Variants in CDH17 observed in about 807,000 individuals in gnomAD.
CDH17 encodes cadherin 17.
A neutral mutation model predicts 86.3 loss-of-function variants in CDH17; 67 were observed. The observed-to-expected ratio is 0.78, with a 90% CI of 0.64 to 0.95. CDH17 has a LOEUF of 0.95. CDH17 is among the 40% of genes least tolerant of loss of function. The probability of loss-of-function intolerance (pLI) is 0.00; values close to 1 mark genes in which losing one functional copy is unlikely to be tolerated. For missense variants in CDH17, 993 were observed against 1,017.6 expected (o/e 0.98, Z 0.33); for synonymous variants, 367 against 366.4 (o/e 1.00, Z -0.02).
At chr8:94,203,344 C>T (rs540208872) in intron 1 of CDH17, among the ~76,000 whole-genome samples, 1 of 152,286 alleles carries the variant, frequency 6.6e-6, no homozygotes, top group African/African-American at 2.4e-5. Flanking sequence ...GAGAGAGCTA[C>T]AGAATTTGTT....
At chr8:94,136,281 T>C (rs1229675348) in intron 15 of CDH17, among the ~76,000 whole-genome samples, 1 of 152,244 alleles carries the variant, frequency 6.6e-6, no homozygotes, top group East Asian at 1.9e-4. Context: ...CCCGTCACTT[T>C]CAGGTACACC....
At chr8:94,160,777 T>C (rs992384524) in intron 11 of CDH17, among the ~76,000 whole-genome samples, 4 of 152,208 alleles carry the variant, frequency 2.6e-5, no homozygotes, top group Admixed American at 6.5e-5. Context: ...ACATAGTAAG[T>C]GCTCAATAAA....
chr8:94,170,434 T>A lies in CDH17; in HGVS notation c.1029A>T (p.Pro343=), dbSNP rs764235174. The change falls in exon 9 of 18, where the codon CCA becomes CCT. Residue 343 remains proline (P), a synonymous_variant. Coordinates refer to ENST00000027335, the MANE Select transcript of CDH17 (RefSeq NM_004063.4). ...TCTCCTGGACCTCAAATACGGTTACTGGTGACGGACATGTAGGTGGATTAT... is the reference window on the plus strand; with the variant it reads ...TCTCCTGGACCTCAAATACGGTTACAGGTGACGGACATGTAGGTGGATTAT... ...INDNPPTCPS[P]VTVFEVQENE... 1.2e-6 allele frequency: 2 copies of A among 1,613,570 alleles called. No individual in the cohort carries two copies. The highest frequency in any genetic ancestry group is 2.7e-5 in the African/African-American group (2 of 74,920).
chr8:94,200,551 T>G (rs1371635323), intron 1 of CDH17, among the ~76,000 whole-genome samples: 2 of 143,164 alleles, frequency 1.4e-5, no homozygotes, highest in Non-Finnish European at 1.5e-5. Context: ...TTTTTTTTTT[T>G]TTTTTTTTTT....
chr8:94,161,610 TTTCTTTG>T (rs1294049692), intron 11 of CDH17, among the ~76,000 whole-genome samples: 1 of 152,232 alleles, frequency 6.6e-6, no homozygotes, highest in African/African-American at 2.4e-5. Context: ...TGGGCACATT[TTTCTTTG>T]GCTTAAGTCA....
rs1433521678 is a variant in CDH17 at position 94,134,622 on chromosome 8, G to GT, written c.2168-3631dup. On this transcript the variant is annotated intron_variant, in intron 15 of 17. Transcript: ENST00000027335. ...CAAAAAACCAGCTCCTGGATTCATTGTTTTTTTGAGGGGTTTTTTGTGTCT... is the reference window on the plus strand; with the variant it reads ...CAAAAAACCAGCTCCTGGATTCATTGTTTTTTTTGAGGGGTTTTTTGTGTCT... Among the ~76,000 whole-genome samples the GT allele has an allele frequency of 5.3e-5, 8 of 151,184 alleles. No homozygotes were observed. The East Asian group carries it at 8.2e-4, about 16-fold the overall frequency.
intron 2 of CDH17, among the ~76,000 whole-genome samples, chr8:94,191,256 G>A (rs927218019): frequency 6.6e-6 from 1 of 152,170 alleles, no homozygotes; most frequent in East Asian, 1.9e-4. Flanking sequence ...GATGAACCCT[G>A]AGAGGACAAA....
intron 15 of CDH17, among the ~76,000 whole-genome samples, chr8:94,139,855 C>G (rs1812602347): frequency 1.3e-5 from 2 of 151,086 alleles, no homozygotes; most frequent in South Asian, 4.2e-4. Flanking sequence ...CCACTGCACT[C>G]CAGCCTGGGC....
chr8:94,201,572 G>A (rs866988059), intron 1 of CDH17, among the ~76,000 whole-genome samples: 2 of 152,194 alleles, frequency 1.3e-5, no homozygotes, highest in Non-Finnish European at 2.9e-5. Context: ...CAGCTCTCAG[G>A]AGGAACCAAC....
chr8:94,145,795 C>G, intron 15 of CDH17, 133 bp downstream of exon 15: 1 of 1,015,244 alleles, frequency 9.8e-7, no homozygotes, highest in African/African-American at 1.6e-5. Context: ...CCTGTACAAG[C>G]TTCCAAAGCA....
At chr8:94,173,306 G>A (rs1342529435) in intron 7 of CDH17, among the ~76,000 whole-genome samples, 4 of 152,162 alleles carry the variant, frequency 2.6e-5, no homozygotes, top group African/African-American at 9.7e-5. Flanking sequence ...GAATGGCTGA[G>A]CACCACGCCC....
intron 1 of CDH17, among the ~76,000 whole-genome samples, chr8:94,205,342 C>T (rs1451962329): frequency 1.3e-5 from 2 of 152,082 alleles, no homozygotes; most frequent in Non-Finnish European, 2.9e-5. Context: ...TACGGATGAG[C>T]ATTTTGTCAA....
upstream of CDH17, among the ~76,000 whole-genome samples, chr8:94,212,842 C>T (rs1194365644): frequency 6.6e-6 from 1 of 152,222 alleles, no homozygotes; most frequent in African/African-American, 2.4e-5. Context: ...TCCAGCTACG[C>T]ATGCCATGAA....
chr8:94,136,407 A>G (rs1812526434), intron 15 of CDH17, among the ~76,000 whole-genome samples: 1 of 152,128 alleles, frequency 6.6e-6, no homozygotes. Context: ...AATCACTGAT[A>G]CACTTTCTTC....
intron 12 of CDH17, among the ~76,000 whole-genome samples, chr8:94,156,523 C>A (rs138400263): frequency 9.9e-5 from 15 of 152,262 alleles, no homozygotes; most frequent in African/African-American, 3.6e-4. Context: ...ACCAAGCACA[C>A]GAGAGGCTGG....
At chr8:94,170,572 G>A (rs1187075454) in intron 8 of CDH17, 25 bp from the exon 9 acceptor site, 3 of 1,610,488 alleles carry the variant, frequency 1.9e-6, no homozygotes, top group Non-Finnish European at 2.5e-6. Flanking sequence ...TCAGAGTTAA[G>A]GCAAGACTCA....
intron 12 of CDH17, among the ~76,000 whole-genome samples, chr8:94,152,533 G>T (rs1413971719): frequency 6.6e-6 from 1 of 152,162 alleles, no homozygotes; most frequent in African/African-American, 2.4e-5. Context: ...AAGTGGCTGG[G>T]ATTATAGGCA....
chr8:94,156,828 A>G (rs1812958357), intron 12 of CDH17, among the ~76,000 whole-genome samples: 1 of 152,234 alleles, frequency 6.6e-6, no homozygotes, highest in African/African-American at 2.4e-5. Context: ...GGAACTATAC[A>G]CATACTTTTG....
chr8:94,194,722 T>A lies in CDH17; in HGVS notation c.-20-17A>T, dbSNP rs921031484. 7.1e-7 allele frequency: 1 copy of A among 1,400,598 alleles called. No homozygotes were observed. 86.8% of individuals were successfully genotyped at this position (1,400,598 alleles called of 1,614,324 possible). On this transcript the variant is annotated splice_polypyrimidine_tract_variant and intron_variant, in intron 1 of 17. Coordinates refer to ENST00000027335, the MANE Select transcript of CDH17 (RefSeq NM_004063.4). Reference sequence around the variant, plus strand: ...TTCAAATTCCTGTGAAGGAACCAGATAAAAAAATGGTTAGTTACCAGTCTG... The same window carrying A: ...TTCAAATTCCTGTGAAGGAACCAGAAAAAAAAATGGTTAGTTACCAGTCTG...
Sources: allele counts gnomAD v4.1 joint callset (sites outside exome capture counted in the v4.1 genomes callset), GRCh38; gene constraint gnomAD v4.1.1; transcripts MANE v1.5; gene names NCBI Gene and HGNC (gene_info 2026-07-23, HGNC 2026-07-21).